The following MARK1 variants were observed in gnomAD, a reference collection of about 807,000 sequenced individuals.
The protein encoded by MARK1 is serine/threonine-protein kinase MARK1.
MARK1 carries 40 observed loss-of-function variants against 96.3 expected under a neutral mutation model. The observed-to-expected ratio is 0.42, with a 90% CI of 0.32 to 0.54. The LOEUF is 0.54. Among genes scored for constraint, MARK1 ranks in the 20% least tolerant of loss-of-function variants. The pLI, the probability that MARK1 is intolerant of heterozygous loss-of-function variation, is 0.16. For synonymous variants in MARK1, 317 were observed against 341.2 expected (o/e 0.93, Z 0.78); for missense variants, 719 against 984.6 (o/e 0.73, Z 3.61).
chr1:220,657,776 C>T lies in MARK1; in HGVS notation c.1989-14C>T. The T allele has an allele frequency of 6.4e-7, 1 of 1,555,054 alleles. No homozygotes were observed. Among genetic ancestry groups the T allele is most frequent in the East Asian group, 2.4e-5 (1 of 42,406 alleles). Reference sequence around the variant, plus strand: ...ACTTTTATCATTAAATCTCAACCTTCACTTTGTTTTGAGGGATCCAAGTGA... The same window carrying T: ...ACTTTTATCATTAAATCTCAACCTTTACTTTGTTTTGAGGGATCCAAGTGA... On this transcript the variant is annotated splice_polypyrimidine_tract_variant and intron_variant, in intron 16 of 17. Transcript: ENST00000366917.
chr1:220,532,970 G>A (rs1476003018), intron 1 of MARK1, among the ~76,000 whole-genome samples: 5 of 151,450 alleles, frequency 3.3e-5, no homozygotes, highest in African/African-American at 7.3e-5. Flanking sequence ...AGATCACACC[G>A]CTGCACTCCA....
intron 10 of MARK1, among the ~76,000 whole-genome samples, chr1:220,631,697 C>T (rs1341323184): frequency 6.6e-6 from 1 of 152,106 alleles, no homozygotes; most frequent in Non-Finnish European, 1.5e-5. Flanking sequence ...TCCTATCTGG[C>T]TTGAGGGCAG....
chr1:220,635,717 C>T (rs576146149), intron 12 of MARK1, 116 bp from the exon 13 acceptor site: 110 of 1,135,804 alleles, frequency 9.7e-5, no homozygotes, highest in Non-Finnish European at 1.2e-4. Flanking sequence ...ATTTAATCTT[C>T]GTTCAGAGTT....
intron 1 of MARK1, among the ~76,000 whole-genome samples, chr1:220,578,986 G>A (rs1664048921): frequency 6.6e-6 from 1 of 151,992 alleles, no homozygotes; most frequent in Admixed American, 6.6e-5. Flanking sequence ...GGGATTACAG[G>A]CACGTGCCAC....
chr1:220,598,398 T>TTATATATATA lies in MARK1; in HGVS notation c.358+30_358+39dup, dbSNP rs5781180. On this transcript the variant is annotated intron_variant, in intron 4 of 17. Transcript: ENST00000366917. The stretch of plus-strand genomic sequence containing the variant: ...AATATAGGTATGAAATATATATATA[T>TTATATATATA]TATATATATATATATATATAATTAG... 4 of 213,940 alleles carry TTATATATATA rather than the reference T, an allele frequency of 1.9e-5. No homozygotes were observed. The highest frequency in any genetic ancestry group is 1.9e-5 in the Non-Finnish European group (2 of 105,136). The allele number at this position is 213,940 out of a possible 1,614,324, so 13.3% of individuals were successfully genotyped here.
intron 3 of MARK1, among the ~76,000 whole-genome samples, chr1:220,596,399 ATG>A (rs747284265): frequency 1.4e-4 from 22 of 152,206 alleles, no homozygotes; most frequent in Non-Finnish European, 3.1e-4. Flanking sequence ...TGAAATGAAA[ATG>A]TGTTTCAAAG....
chr1:220,530,593 G>A (rs1192184352), intron 1 of MARK1, among the ~76,000 whole-genome samples: 1 of 152,018 alleles, frequency 6.6e-6, no homozygotes, highest in South Asian at 2.1e-4. Context: ...TATGAATAAG[G>A]TACTTCATAA....
In MARK1 at chr1:220,581,110, C is replaced by G; in HGVS notation, c.301C>G (p.Leu101Val). Residue 101 changes from leucine (L) to valine (V), a missense_variant, in exon 3 of 18, where the codon CTA becomes GTA. Physicochemically the swap from Leu to Val is conservative, Grantham distance 32. Coordinates refer to ENST00000366917, the MANE Select transcript of MARK1 (RefSeq NM_018650.5). ...CAAAACTCAGCTAAATCCTACCAGT[C>G]TACAAAAGGTATTTAATTAATTTAA... is the stretch of plus-strand genomic sequence containing the variant. ...IDKTQLNPTS[L>V]QKLFREVRIM... is the part of the protein sequence containing the mutation. 1.6e-6 allele frequency: 2 copies of G among 1,218,158 alleles called. No individual in the cohort carries two copies. The highest frequency in any genetic ancestry group is 2.2e-6 in the Non-Finnish European group (2 of 915,022). The allele number at this position is 1,218,158 out of a possible 1,614,324, so 75.5% of individuals were successfully genotyped here.
chr1:220,564,034 G>A (rs755872303), intron 1 of MARK1, among the ~76,000 whole-genome samples: 1 of 152,114 alleles, frequency 6.6e-6, no homozygotes, highest in Non-Finnish European at 1.5e-5. Flanking sequence ...GAGAAGAGTT[G>A]CCAGGTTAAA....
intron 1 of MARK1, among the ~76,000 whole-genome samples, chr1:220,552,323 T>C (rs1661920766): frequency 6.6e-6 from 1 of 152,218 alleles, no homozygotes; most frequent in African/African-American, 2.4e-5. Context: ...TGAGAACAGC[T>C]ATTCCCATTT....
intron 13 of MARK1, among the ~76,000 whole-genome samples, chr1:220,642,596 C>G (rs894210653): frequency 5.3e-5 from 8 of 152,342 alleles, no homozygotes; most frequent in African/African-American, 1.9e-4. Context: ...ATTCCCTGAG[C>G]ACAGATCACC....
chr1:220,555,915 C>T (rs528067536), intron 1 of MARK1, among the ~76,000 whole-genome samples: 15 of 152,264 alleles, frequency 9.9e-5, no homozygotes, highest in African/African-American at 3.4e-4. Flanking sequence ...ACATGGTTCC[C>T]TTTCTTCTTG....
chr1:220,545,957 T>C (rs1661462729), intron 1 of MARK1, among the ~76,000 whole-genome samples: 2 of 152,180 alleles, frequency 1.3e-5, no homozygotes, highest in African/African-American at 4.8e-5. Flanking sequence ...AGAATCTTGC[T>C]AAGTCAGTTT....
At chr1:220,576,212 T>A (rs552621525) in intron 1 of MARK1, among the ~76,000 whole-genome samples, 46 of 151,728 alleles carry the variant, frequency 3.0e-4, no homozygotes, top group African/African-American at 1.1e-3. Context: ...CATTTATGAT[T>A]TCTCATGAGT....
Position 220,622,892 on chromosome 1 carries a change from GATAAA to G in MARK1, c.909+4148_909+4152del, listed in dbSNP as rs778797016. ...AGAACAAGACCCTGTCTCCAAATAA[GATAAA>G]ATAAAATAAATGTGCATCTAAGTAT... is the stretch of plus-strand genomic sequence containing the variant. On this transcript the variant is annotated intron_variant, in intron 9 of 17. Transcript: ENST00000366917. Among the ~76,000 whole-genome samples the G allele has an allele frequency of 2.0e-4, 31 of 152,218 alleles. No individual in the cohort carries two copies. The East Asian group carries it at 5.6e-3, about 27-fold the overall frequency.
intron 1 of MARK1, among the ~76,000 whole-genome samples, chr1:220,569,642 T>G (rs1663302098): frequency 6.6e-6 from 1 of 152,148 alleles, no homozygotes. Context: ...TCCAATACCA[T>G]TTGTTGAATA....
Position 220,610,660 on chromosome 1 carries a change from C to T in MARK1, c.496-5279C>T, listed in dbSNP as rs142860924. Among the ~76,000 whole-genome samples, 298 of 152,258 alleles carry T rather than the reference C, an allele frequency of 2.0e-3. 1 individual carries two copies. The highest frequency in any genetic ancestry group is 6.1e-3 in the African/African-American group (253 of 41,564). On this transcript the variant is annotated intron_variant, in intron 6 of 17. Transcript: ENST00000366917. ...TGATTTTTAGAATTTTCAGCTTTTC[C>T]GCTCTGGTTTCTCCCCATCTTTGTG...
chr1:220,588,384 C>T (rs1385700471), intron 3 of MARK1, among the ~76,000 whole-genome samples: 1 of 152,160 alleles, frequency 6.6e-6, no homozygotes, highest in Non-Finnish European at 1.5e-5. Flanking sequence ...GGGAAACTGA[C>T]ACAGGCTATC....
At chr1:220,598,158 A>G (rs1665498205) in intron 3 of MARK1, among the ~76,000 whole-genome samples, 173 bp from the exon 4 acceptor site, 2 of 152,120 alleles carry the variant, frequency 1.3e-5, no homozygotes, top group South Asian at 4.1e-4. Flanking sequence ...AGTCTAAGTT[A>G]ACATAGCTTG....
Sources: allele counts gnomAD v4.1 joint callset (sites outside exome capture counted in the v4.1 genomes callset), GRCh38; gene constraint gnomAD v4.1.1; transcripts MANE v1.5; gene names NCBI Gene and HGNC (gene_info 2026-07-23, HGNC 2026-07-21).